DYNC1I1: variants seen among roughly 807,000 people sequenced by gnomAD.
DYNC1I1 encodes dynein cytoplasmic 1 intermediate chain 1, also known as cytoplasmic dynein 1 intermediate chain 1.
In DYNC1I1, 43 loss-of-function variants were observed where a neutral mutation model predicts 86.6. The observed-to-expected ratio is 0.50, with a 90% CI of 0.39 to 0.64. DYNC1I1 has a LOEUF of 0.64. Among genes scored for constraint, DYNC1I1 ranks in the 30% least tolerant of loss-of-function variants. The pLI, the probability that DYNC1I1 is intolerant of heterozygous loss-of-function variation, is 0.00. For synonymous variants in DYNC1I1, 262 were observed against 283.7 expected, an observed-to-expected ratio of 0.92 and a Z score of 0.77; for missense variants, 604 against 788.8, an observed-to-expected ratio of 0.77 and a Z score of 2.81.
chr7:95,773,532 T>G lies in DYNC1I1; in HGVS notation c.-10+759T>G, dbSNP rs117208918. On this transcript the variant is annotated intron_variant, in intron 1 of 16. Coordinates refer to ENST00000447467, the MANE Select transcript of DYNC1I1 (RefSeq NM_001135556.2). ...ATGACTTGTACCTTGGCTAATAAGA[T>G]TAAACAGAAGCCCAGGATCAGGACA... 4.1e-3 allele frequency among the ~76,000 whole-genome samples: 623 copies of G among 152,142 alleles called. 5 individuals carry two copies. The highest frequency in any genetic ancestry group is 0.025 in the South Asian group (119 of 4,816).
chr7:96,066,305 T>C (rs757824188), intron 14 of DYNC1I1, among the ~76,000 whole-genome samples: 2 of 152,234 alleles, frequency 1.3e-5, no homozygotes, highest in Non-Finnish European at 2.9e-5. Flanking sequence ...GATAATACCA[T>C]CCTTGACCAC....
chr7:95,886,837 A>T (rs1275878375), intron 6 of DYNC1I1, among the ~76,000 whole-genome samples: 10 of 152,222 alleles, frequency 6.6e-5, no homozygotes, highest in Non-Finnish European at 1.3e-4. Context: ...CAAGCTGGAA[A>T]CACTTCCTTG....
intron 9 of DYNC1I1, among the ~76,000 whole-genome samples, chr7:95,993,855 A>C (rs1793791968): frequency 6.6e-6 from 1 of 152,202 alleles, no homozygotes; most frequent in African/African-American, 2.4e-5. Context: ...AAGGAGGAAA[A>C]AATTAAATTA....
intron 15 of DYNC1I1, among the ~76,000 whole-genome samples, chr7:96,079,462 A>C (rs1244831494): frequency 6.6e-6 from 1 of 152,220 alleles, no homozygotes; most frequent in African/African-American, 2.4e-5. Context: ...CTAACCTTGA[A>C]GACAAGCTTT....
intron 5 of DYNC1I1, among the ~76,000 whole-genome samples, chr7:95,834,888 G>A (rs1369930010): frequency 1.3e-5 from 2 of 151,908 alleles, no homozygotes; most frequent in Admixed American, 1.3e-4. Flanking sequence ...CTTGCTAGCA[G>A]TCTATGTATT....
At chr7:95,798,302 C>T (rs1054704476) in intron 1 of DYNC1I1, among the ~76,000 whole-genome samples, 17 of 151,688 alleles carry the variant, frequency 1.1e-4, no homozygotes, top group Non-Finnish European at 1.8e-4. Context: ...TTTCACTGGC[C>T]AACTCCCTCC....
chr7:95,797,635 CA>C (rs1794473901), intron 1 of DYNC1I1, among the ~76,000 whole-genome samples: 1 of 152,168 alleles, frequency 6.6e-6, no homozygotes, highest in African/African-American at 2.4e-5. Context: ...TTTAATGTAA[CA>C]GAGTACAAAA....
chr7:95,974,655 A>G (rs1793257596), intron 6 of DYNC1I1, among the ~76,000 whole-genome samples: 1 of 152,176 alleles, frequency 6.6e-6, no homozygotes, highest in Non-Finnish European at 1.5e-5. Flanking sequence ...AACACTTCAT[A>G]TTAAGCATTG....
chr7:95,984,502 T>G (rs1200219657), intron 7 of DYNC1I1, among the ~76,000 whole-genome samples: 1 of 152,034 alleles, frequency 6.6e-6, no homozygotes, highest in African/African-American at 2.4e-5. Flanking sequence ...ATTTAAGCTG[T>G]TTTTCAAGTT....
At chr7:95,776,734 A>G (rs932096674) in intron 1 of DYNC1I1, among the ~76,000 whole-genome samples, 2 of 152,202 alleles carry the variant, frequency 1.3e-5, no homozygotes, top group African/African-American at 4.8e-5. Flanking sequence ...GGTATAGCAA[A>G]CATCAACTGA....
At chr7:95,877,762 A>G (rs1790346910) in intron 6 of DYNC1I1, among the ~76,000 whole-genome samples, 1 of 152,242 alleles carries the variant, frequency 6.6e-6, no homozygotes, top group Non-Finnish European at 1.5e-5. Context: ...AACTGGTCTC[A>G]AAAACTGTAA....
At chr7:96,094,671 C>T (rs1050859001) in intron 16 of DYNC1I1, among the ~76,000 whole-genome samples, 2 of 152,172 alleles carry the variant, frequency 1.3e-5, no homozygotes, top group African/African-American at 4.8e-5. Context: ...AAAGTACTTC[C>T]TGATGGTGAT....
At chr7:95,884,617 A>C (rs1304743850) in intron 6 of DYNC1I1, among the ~76,000 whole-genome samples, 3 of 152,084 alleles carry the variant, frequency 2.0e-5, no homozygotes, top group Non-Finnish European at 4.4e-5. Flanking sequence ...ATGAACAATG[A>C]AGAAAAGTTA....
At chr7:95,831,104 C>T (rs1021582108) in intron 5 of DYNC1I1, among the ~76,000 whole-genome samples, 6 of 152,102 alleles carry the variant, frequency 3.9e-5, no homozygotes, top group South Asian at 4.1e-4. Flanking sequence ...GAAAGTTCTT[C>T]GTATGTTCTG....
rs113331208 is a variant in DYNC1I1 at position 96,028,426 on chromosome 7, G to T, written c.1116+105G>T. 70 of 1,415,076 alleles carry T rather than the reference G, an allele frequency of 4.9e-5. No homozygotes were observed. In the African/African-American group the frequency reaches 8.4e-4, roughly 17 times the overall value. 87.7% of individuals were successfully genotyped at this position (1,415,076 alleles called of 1,614,324 possible). On this transcript the variant is annotated intron_variant, in intron 11 of 16. Coordinates refer to ENST00000447467, the MANE Select transcript of DYNC1I1 (RefSeq NM_001135556.2). The stretch of plus-strand genomic sequence containing the variant: ...GTTTTCAGTAATGCCAAGTTAGGAG[G>T]ATCTACTTTATTATGATTGAATCCT...
chr7:95,928,275 G>A (rs1791798583), intron 6 of DYNC1I1, among the ~76,000 whole-genome samples: 1 of 152,178 alleles, frequency 6.6e-6, no homozygotes, highest in Non-Finnish European at 1.5e-5. Flanking sequence ...CATTTCTGGT[G>A]TCCAGATAAC....
downstream of DYNC1I1, among the ~76,000 whole-genome samples, chr7:96,102,852 T>A (rs1393556571): frequency 1.3e-5 from 2 of 152,186 alleles, no homozygotes; most frequent in African/African-American, 4.8e-5. Flanking sequence ...ACATGGCATA[T>A]TAGCGGATCC....
intron 2 of DYNC1I1, 130 bp downstream of exon 2, chr7:95,804,967 C>G: frequency 7.2e-7 from 1 of 1,392,614 alleles, no homozygotes. Context: ...TGATTATCTT[C>G]CTATTCTGCA....
At chr7:95,779,551 A>C (rs1374198010) in intron 1 of DYNC1I1, among the ~76,000 whole-genome samples, 1 of 152,182 alleles carries the variant, frequency 6.6e-6, no homozygotes, top group Non-Finnish European at 1.5e-5. Flanking sequence ...CTTCCTTTGA[A>C]CCAAAGGTAT....
Sources: allele counts gnomAD v4.1 joint callset (sites outside exome capture counted in the v4.1 genomes callset), GRCh38; gene constraint gnomAD v4.1.1; transcripts MANE v1.5; gene names NCBI Gene and HGNC (gene_info 2026-07-23, HGNC 2026-07-21).